Variants in RAB1A observed in about 807,000 individuals in gnomAD.
The protein encoded by RAB1A is RAB1A, member RAS oncogene family, also known as ras-related protein Rab-1A.
In RAB1A, 2 loss-of-function variants were observed where a neutral mutation model predicts 26.0. The ratio of observed to expected loss-of-function variants is 0.08; its 90% confidence interval spans 0.03 to 0.24. The LOEUF is 0.24. Among genes scored for constraint, RAB1A ranks in the 10% least tolerant of loss-of-function variants. The probability of loss-of-function intolerance (pLI) is 1.00; values close to 1 mark genes in which losing one functional copy is unlikely to be tolerated. For synonymous variants in RAB1A, 84 were observed against 84.9 expected, an observed-to-expected ratio of 0.99 and a Z score of 0.06; for missense variants, 100 against 247.0, an observed-to-expected ratio of 0.40 and a Z score of 3.99.
intron 1 of RAB1A, among the ~76,000 whole-genome samples, chr2:65,125,086 TA>T (rs1446348171): frequency 2.7e-5 from 4 of 149,302 alleles, no homozygotes; most frequent in Non-Finnish European, 4.4e-5. Context: ...TTCTTGAGTA[TA>T]ACATGAAAGA....
chr2:65,119,560 C>CA (rs5831736), intron 1 of RAB1A, among the ~76,000 whole-genome samples: 11 of 141,366 alleles, frequency 7.8e-5, no homozygotes, highest in Admixed American at 3.5e-4. Context: ...GACTCTGTCT[C>CA]AAAAAAAAAC....
chr2:65,117,027 A>G (rs557162450), intron 1 of RAB1A, among the ~76,000 whole-genome samples: 1 of 152,292 alleles, frequency 6.6e-6, no homozygotes, highest in South Asian at 2.1e-4. Flanking sequence ...TATAAATAAT[A>G]CATACCTCAC....
At chr2:65,122,845 C>T (rs1005325359) in intron 1 of RAB1A, among the ~76,000 whole-genome samples, 21 of 151,666 alleles carry the variant, frequency 1.4e-4, no homozygotes, top group Non-Finnish European at 4.4e-5. Context: ...GCGGCGGGCA[C>T]CTGTAGTCCC....
Position 65,104,878 on chromosome 2 carries a change from A to C in RAB1A, c.24-72T>G, listed in dbSNP as rs535517134. The C allele has an allele frequency of 3.3e-6, 4 of 1,215,106 alleles. No individual in the cohort carries two copies. In the African/African-American group the frequency reaches 6.0e-5, roughly 18 times the overall value. 75.3% of individuals were successfully genotyped at this position (1,215,106 alleles called of 1,614,324 possible). On this transcript the variant is annotated intron_variant, in intron 1 of 5. Transcript: ENST00000409784. The stretch of plus-strand genomic sequence containing the variant: ...TGCTATAAGCTATACAAAAACAAAA[A>C]CACAGCTACAAATAACAACTCACTG...
At chr2:65,110,715 CAT>C (rs766476541) in intron 1 of RAB1A, among the ~76,000 whole-genome samples, 15 of 151,914 alleles carry the variant, frequency 9.9e-5, no homozygotes, top group Non-Finnish European at 1.9e-4. Context: ...AGAAGGATCA[CAT>C]GAGGCCAGAA....
chr2:65,103,299 C>CAAAAAAAAAAAAAAAA (rs1201745425), intron 2 of RAB1A, among the ~76,000 whole-genome samples: 605 of 44,030 alleles, frequency 0.014, 39 homozygotes, highest in Non-Finnish European at 0.021. Flanking sequence ...GAATCTGTCT[C>CAAAAAAAAAAAAAAAA]AAAAAAAAAA....
intron 1 of RAB1A, chr2:65,106,420 T>C: frequency 2.8e-6 from 1 of 357,702 alleles, no homozygotes; most frequent in Non-Finnish European, 5.4e-6. Context: ...TTAATTGCAC[T>C]GCCAAAGAAG....
At chr2:65,102,875 G>A (rs1381716262) in intron 2 of RAB1A, among the ~76,000 whole-genome samples, 3 of 150,746 alleles carry the variant, frequency 2.0e-5, no homozygotes, top group South Asian at 2.1e-4. Context: ...GCAGTGAGCC[G>A]AGATTGTGCC....
At chr2:65,125,423 C>CTTTTTT (rs35048150) in intron 1 of RAB1A, among the ~76,000 whole-genome samples, 19 of 127,280 alleles carry the variant, frequency 1.5e-4, no homozygotes, top group Non-Finnish European at 2.0e-4. Context: ...GTATTTCTTT[C>CTTTTTT]TTTTTTTTTT....
intron 1 of RAB1A, among the ~76,000 whole-genome samples, chr2:65,110,068 A>G (rs1669659564): frequency 6.6e-6 from 1 of 152,210 alleles, no homozygotes; most frequent in African/African-American, 2.4e-5. Flanking sequence ...ACAGCTACAG[A>G]AAATTTGTGC....
rs149227457 is a variant in RAB1A at position 65,095,189 on chromosome 2, T to G, written c.192+2782A>C. 7.6e-3 allele frequency among the ~76,000 whole-genome samples: 1,156 copies of G among 151,508 alleles called. 9 individuals are homozygous for G. Among genetic ancestry groups the G allele is most frequent in the African/African-American group, 0.025 (1,035 of 41,080 alleles). On this transcript the variant is annotated intron_variant, in intron 3 of 5. Coordinates refer to ENST00000409784, the MANE Select transcript of RAB1A (RefSeq NM_004161.5). ...TAACTGGCAACTAGAGGTTTTGTGGTTTTTTTTGTTTTTTTCTGTATGTTT... is the reference window on the plus strand; with the variant it reads ...TAACTGGCAACTAGAGGTTTTGTGGGTTTTTTTGTTTTTTTCTGTATGTTT...
At chr2:65,120,083 T>A (rs984154608) in intron 1 of RAB1A, among the ~76,000 whole-genome samples, 1 of 152,028 alleles carries the variant, frequency 6.6e-6, no homozygotes, top group African/African-American at 2.4e-5. Flanking sequence ...CAAATGGCCT[T>A]TTATAAATTT....
intron 1 of RAB1A, among the ~76,000 whole-genome samples, chr2:65,126,420 G>A (rs544470574): frequency 3.6e-4 from 54 of 150,906 alleles, no homozygotes; most frequent in African/African-American, 1.3e-3. Flanking sequence ...AGGCCCGGGC[G>A]ACAGAGCAAG....
intron 1 of RAB1A, among the ~76,000 whole-genome samples, chr2:65,111,373 A>C (rs571585587): frequency 2.4e-4 from 36 of 152,244 alleles, no homozygotes; most frequent in Admixed American, 5.2e-4. Context: ...AAAAAAAAAA[A>C]AAAATACATC....
At position 65,127,443 on chromosome 2, in the gene RAB1A, C is replaced by A. The variant is rs114157856; in HGVS notation, c.23+2450G>T. Reference sequence around the variant, plus strand: ...TACTGGTATTTGACATGTATAAAATCTATTTCTGCCGGGCGCGGTGGCTCA... The same window carrying A: ...TACTGGTATTTGACATGTATAAAATATATTTCTGCCGGGCGCGGTGGCTCA... On this transcript the variant is annotated intron_variant, in intron 1 of 5. Coordinates refer to ENST00000409784, the MANE Select transcript of RAB1A (RefSeq NM_004161.5). Among the ~76,000 whole-genome samples the A allele has an allele frequency of 3.3e-3, 494 of 151,580 alleles. 1 individual carries two copies. Among genetic ancestry groups the A allele is most frequent in the African/African-American group, 0.012 (473 of 40,840 alleles).
chr2:65,124,149 A>C (rs1670039685), intron 1 of RAB1A, among the ~76,000 whole-genome samples: 1 of 152,044 alleles, frequency 6.6e-6, no homozygotes, highest in Non-Finnish European at 1.5e-5. Context: ...CACCACGCCT[A>C]GCTAATTTGG....
Position 65,106,669 on chromosome 2 carries a change from G to C in RAB1A, c.24-1863C>G, listed in dbSNP as rs1397460802. On this transcript the variant is annotated intron_variant, in intron 1 of 5. Transcript: ENST00000409784. ...AAGGAAACAAAAATCTTCTAAACAA[G>C]TAAATCAGAAGAGGGGACTGAAGCA... 1.4e-5 allele frequency among the ~76,000 whole-genome samples: 2 copies of C among 146,596 alleles called. 1 individual carries two copies. Among genetic ancestry groups the C allele is most frequent in the East Asian group, 3.9e-4 (2 of 5,090 alleles).
chr2:65,103,937 C>T (rs1330880079), intron 2 of RAB1A, among the ~76,000 whole-genome samples: 1 of 152,116 alleles, frequency 6.6e-6, no homozygotes, highest in Non-Finnish European at 1.5e-5. Context: ...TGGCACCACA[C>T]CCAGCTAATT....
chr2:65,128,636 C>T (rs1267595825), intron 1 of RAB1A, among the ~76,000 whole-genome samples: 3 of 152,180 alleles, frequency 2.0e-5, no homozygotes, highest in African/African-American at 7.2e-5. Context: ...AGCCATGTGA[C>T]ACACATATGA....
Sources: allele counts gnomAD v4.1 joint callset (sites outside exome capture counted in the v4.1 genomes callset), GRCh38; gene constraint gnomAD v4.1.1; transcripts MANE v1.5; gene names NCBI Gene and HGNC (gene_info 2026-07-23, HGNC 2026-07-21).